SOX6: variants seen among roughly 807,000 people sequenced by gnomAD.
SOX6 encodes the protein SRY-box transcription factor 6, also known as transcription factor SOX-6.
In SOX6, 11 loss-of-function variants were observed where a neutral mutation model predicts 97.8. The ratio of observed to expected loss-of-function variants is 0.11; its 90% CI spans 0.07 to 0.19. The LOEUF (loss-of-function observed/expected upper bound fraction) is 0.19. Among genes scored for constraint, SOX6 ranks in the 10% least tolerant of loss-of-function variants. The pLI is 1.00. For synonymous variants in SOX6, 360 were observed against 371.4 expected, an observed-to-expected ratio of 0.97 and a Z score of 0.35; for missense variants, 810 against 1,039.5, an observed-to-expected ratio of 0.78 and a Z score of 3.04.
chr11:16,374,966 T>C (rs369902254), intron 1 of SOX6, among the ~76,000 whole-genome samples: 2 of 152,012 alleles, frequency 1.3e-5, no homozygotes, highest in Non-Finnish European at 2.9e-5. Flanking sequence ...AGGAGACAAC[T>C]ACAGTCCAAA....
At chr11:16,169,610 A>C (rs1850977791) in intron 6 of SOX6, among the ~76,000 whole-genome samples, 1 of 152,084 alleles carries the variant, frequency 6.6e-6, no homozygotes, top group African/African-American at 2.4e-5. Flanking sequence ...AAACTAAGAG[A>C]ATCATAGCCA....
At chr11:16,513,355 G>A (rs1036533403) in intron 4 of SOX6, among the ~76,000 whole-genome samples, 6 of 152,240 alleles carry the variant, frequency 3.9e-5, no homozygotes, top group South Asian at 2.1e-4. Flanking sequence ...GAAGGGGGCC[G>A]GGCACAGTGG....
chr11:16,215,747 T>C (rs1482255381), intron 4 of SOX6, among the ~76,000 whole-genome samples: 2 of 152,000 alleles, frequency 1.3e-5, no homozygotes, highest in Non-Finnish European at 2.9e-5. Flanking sequence ...AAAAGAAAAA[T>C]TATAGGCTTT....
intron 6 of SOX6, among the ~76,000 whole-genome samples, chr11:16,120,581 T>TAC (rs1554932382): frequency 8.6e-4 from 129 of 149,710 alleles, no homozygotes; most frequent in South Asian, 2.1e-3. Flanking sequence ...TATATATATA[T>TAC]ACACACACTT....
chr11:16,558,950 G>A (rs1589984826), intron 4 of SOX6, among the ~76,000 whole-genome samples: 1 of 152,110 alleles, frequency 6.6e-6, no homozygotes, highest in East Asian at 1.9e-4. Context: ...GTAGTAAACT[G>A]AACAATGCAG....
At chr11:16,483,981 CT>C in intron 4 of SOX6, 2 of 853,648 alleles carry the variant, frequency 2.3e-6, no homozygotes, top group Non-Finnish European at 4.1e-6. Context: ...CTGTGATCAC[CT>C]TGATCCTGGG....
chr11:16,151,071 C>T (rs1372544324), intron 6 of SOX6, among the ~76,000 whole-genome samples: 1 of 152,066 alleles, frequency 6.6e-6, no homozygotes, highest in Non-Finnish European at 1.5e-5. Flanking sequence ...TTGGATTTTA[C>T]AGTAAATAAT....
In SOX6 at chr11:16,046,837, C is replaced by T. The variant is rs921833265; in HGVS notation, c.1436-136G>A. 2.5e-4 allele frequency: 220 copies of T among 895,748 alleles called. 2 individuals are homozygous for T. The highest frequency in any genetic ancestry group is 2.2e-3 in the South Asian group (148 of 66,348). 55.5% of individuals were successfully genotyped at this position (895,748 alleles called of 1,614,324 possible). On this transcript the variant is annotated intron_variant, in intron 11 of 15. Transcript: ENST00000683767. ...CACATTTGCTATTTTTTAAACTATA[C>T]GCTAATATACATAGAACACAGAGCC...
chr11:16,406,354 T>G (rs1370565314), intron 1 of SOX6, among the ~76,000 whole-genome samples: 1 of 152,088 alleles, frequency 6.6e-6, no homozygotes, highest in Admixed American at 6.6e-5. Flanking sequence ...CTTAGTGGCT[T>G]AAAACAATAA....
At chr11:16,481,395 AGAGTATTT>A (rs1860342091) in intron 4 of SOX6, among the ~76,000 whole-genome samples, 1 of 152,124 alleles carries the variant, frequency 6.6e-6, no homozygotes, top group Admixed American at 6.5e-5. Flanking sequence ...GCAAAAGGTT[AGAGTATTT>A]GTGAGGTATC....
At chr11:15,994,418 G>A (rs1317859996) in intron 13 of SOX6, among the ~76,000 whole-genome samples, 2 of 148,844 alleles carry the variant, frequency 1.3e-5, no homozygotes, top group Non-Finnish European at 3.0e-5. Context: ...AGAAGCTGGC[G>A]ATGGCTTGGG....
At chr11:16,649,828 G>T (rs927953533) in intron 3 of SOX6, among the ~76,000 whole-genome samples, 1 of 152,060 alleles carries the variant, frequency 6.6e-6, no homozygotes, top group African/African-American at 2.4e-5. Flanking sequence ...AAAAGGTATG[G>T]AATAGCAAAT....
chr11:16,334,726 C>T (rs1001232274), intron 2 of SOX6, among the ~76,000 whole-genome samples: 2 of 151,994 alleles, frequency 1.3e-5, no homozygotes, highest in African/African-American at 4.8e-5. Flanking sequence ...CCACGCCTAG[C>T]CTAATGTCTC....
chr11:16,622,146 C>G (rs1848553433), intron 3 of SOX6, among the ~76,000 whole-genome samples: 2 of 152,092 alleles, frequency 1.3e-5, no homozygotes. Context: ...CACCTTTCCC[C>G]ACCCTCATTC....
chr11:16,083,232 G>C (rs916398347), intron 9 of SOX6, among the ~76,000 whole-genome samples: 2 of 152,146 alleles, frequency 1.3e-5, no homozygotes, highest in African/African-American at 4.8e-5. Context: ...TCAGGGGCAA[G>C]AGTCAAATTC....
At chr11:16,382,211 G>A (rs147311698) in intron 1 of SOX6, 1 of 151,956 alleles carries the variant, frequency 6.6e-6, no homozygotes, top group Non-Finnish European at 1.5e-5. Context: ...GTCAAATACG[G>A]TGTCACTTAG....
chr11:16,520,292 T>C (rs893085490), intron 4 of SOX6, among the ~76,000 whole-genome samples: 11 of 152,204 alleles, frequency 7.2e-5, no homozygotes, highest in African/African-American at 1.9e-4. Context: ...ATGAGAAATG[T>C]GTTTCCTAAG....
intron 1 of SOX6, among the ~76,000 whole-genome samples, chr11:16,398,765 T>A (rs1004461936): frequency 6.6e-6 from 1 of 150,738 alleles, no homozygotes; most frequent in Non-Finnish European, 1.5e-5. Context: ...TTTCACAAAT[T>A]GCTACAAAAG....
chr11:16,253,741 C>T (rs1022898755), intron 3 of SOX6, among the ~76,000 whole-genome samples: 1 of 151,706 alleles, frequency 6.6e-6, no homozygotes, highest in Admixed American at 6.6e-5. Flanking sequence ...AATGGTATAT[C>T]ATATGTATAA....
Sources: gnomAD v4.1 joint callset for allele counts (sites outside exome capture counted in the v4.1 genomes callset) on GRCh38, gnomAD v4.1.1 for gene constraint, MANE v1.5 for transcripts, NCBI Gene and HGNC (gene_info 2026-07-23, HGNC 2026-07-21) for gene names.